Variants in ATCAY observed in about 807,000 individuals in gnomAD.
ATCAY encodes ATCAY kinesin light chain interacting caytaxin, also known as caytaxin.
ATCAY carries 22 observed loss-of-function variants against 47.7 expected under a neutral mutation model. That is an observed-to-expected ratio of 0.46 (90% CI 0.33 to 0.66). The LOEUF is 0.66. Ranked by LOEUF, ATCAY falls within the 30% of genes least tolerant of loss-of-function variation. The pLI is 0.02. For synonymous variants in ATCAY, 216 were observed against 207.6 expected (o/e 1.04, Z -0.35); for missense variants, 452 against 515.0 (o/e 0.88, Z 1.18).
At chr19:3,901,613 C>T (rs1249014410) in intron 2 of ATCAY, among the ~76,000 whole-genome samples, 1 of 152,076 alleles carries the variant, frequency 6.6e-6, no homozygotes, top group Non-Finnish European at 1.5e-5. Flanking sequence ...TCAAGCCGTG[C>T]AAAAATCTCC....
chr19:3,914,824 G>GAA (rs35419791), intron 9 of ATCAY, among the ~76,000 whole-genome samples: 75 of 141,916 alleles, frequency 5.3e-4, no homozygotes, highest in Admixed American at 1.4e-3. Flanking sequence ...TCCGTCTCAA[G>GAA]AAAAAAAAAA....
chr19:3,908,768 T>C (rs1323042601), intron 6 of ATCAY, among the ~76,000 whole-genome samples: 4 of 62,350 alleles, frequency 6.4e-5, no homozygotes, highest in African/African-American at 1.9e-4. Flanking sequence ...CCTCTCCTCC[T>C]CCCCCCTCTT....
At position 3,913,786 on chromosome 19, in the gene ATCAY, G is replaced by A. The variant is rs777720695; in HGVS notation, c.895G>A (p.Val299Met). Reference protein sequence around the residue: ...SVKFINKIQYVHSLEDLEQLI... With the variant: ...SVKFINKIQYMHSLEDLEQLI... ...CAAGTTCATCAACAAGATCCAGTAC[G>A]TGCACAGCTTGGAAGACCTGGAGCA... Residue 299 changes from valine (V) to methionine (M), a missense_variant, in exon 9 of 13, where the codon GTG becomes ATG. Coordinates refer to ENST00000450849, the MANE Select transcript of ATCAY (RefSeq NM_033064.5). 3.7e-6 allele frequency: 6 copies of A among 1,613,772 alleles called. No homozygotes were observed. Among genetic ancestry groups the A allele is most frequent in the Non-Finnish European group, 5.1e-6 (6 of 1,179,852 alleles).
At position 3,927,444 on chromosome 19, in the gene ATCAY, G is replaced by A. The variant is rs2039077264; in HGVS notation, c.*2852G>A. ...AGTCACAGACAGGAGACGGGGACAG[G>A]AAAGAACTCATTCCACCCAATCGGA... On this transcript the variant is annotated 3_prime_UTR_variant, in exon 13 of 13. Transcript: ENST00000450849. 6.6e-6 allele frequency: 1 copy of A among 152,234 alleles called. No homozygotes were observed. The highest frequency in any genetic ancestry group is 1.5e-5 in the Non-Finnish European group (1 of 68,088). 9.4% of individuals were successfully genotyped at this position (152,234 alleles called of 1,614,324 possible).
Position 3,927,080 on chromosome 19 carries a change from G to C in ATCAY, c.*2488G>C, listed in dbSNP as rs1317039093. The stretch of plus-strand genomic sequence containing the variant: ...TACTAAAAATACAAAAATTAGCTGG[G>C]TGTGGTGGCGCGCACCTGTAGTCCC... On this transcript the variant is annotated 3_prime_UTR_variant, in exon 13 of 13. Coordinates refer to ENST00000450849, the MANE Select transcript of ATCAY (RefSeq NM_033064.5). The C allele has an allele frequency of 2.6e-5, 4 of 152,162 alleles. No individual in the cohort carries two copies. Among genetic ancestry groups the C allele is most frequent in the African/African-American group, 9.7e-5 (4 of 41,434 alleles). The allele number at this position is 152,162 out of a possible 1,614,324, so 9.4% of individuals were successfully genotyped here.
At chr19:3,881,945 T>C (rs2038605707) in intron 1 of ATCAY, among the ~76,000 whole-genome samples, 2 of 134,042 alleles carry the variant, frequency 1.5e-5, no homozygotes, top group South Asian at 5.1e-4. Context: ...CCTCCAAGCA[T>C]GAATGACGAC....
rs760174602 is a variant in ATCAY at position 3,890,101 on chromosome 19, G to A, written c.77+4257G>A. 3.3e-5 allele frequency among the ~76,000 whole-genome samples: 5 copies of A among 150,452 alleles called. 1 individual carries two copies. The South Asian group carries it at 6.3e-4, about 19-fold the overall frequency. On this transcript the variant is annotated intron_variant, in intron 2 of 12. Coordinates refer to ENST00000450849, the MANE Select transcript of ATCAY (RefSeq NM_033064.5). ...CTGGATTACAGGCATCTGCCACCAC[G>A]CCCAGCTCATCTTTGTATTTTTAGT... is the stretch of plus-strand genomic sequence containing the variant.
chr19:3,918,695 A>G (rs1424957870), intron 10 of ATCAY, 111 bp from the exon 11 acceptor site: 37 of 1,130,180 alleles, frequency 3.3e-5, no homozygotes, highest in Non-Finnish European at 1.3e-6. Flanking sequence ...ACTGGTTTGG[A>G]AAACAGGTCC....
intron 2 of ATCAY, among the ~76,000 whole-genome samples, chr19:3,901,851 C>T (rs555348436): frequency 3.9e-4 from 60 of 152,014 alleles, no homozygotes; most frequent in African/African-American, 1.4e-3. Flanking sequence ...AAAAATTAGC[C>T]GGGCATGGTA....
chr19:3,919,524 G>T (rs577107180), intron 11 of ATCAY, among the ~76,000 whole-genome samples: 1 of 150,804 alleles, frequency 6.6e-6, no homozygotes, highest in Non-Finnish European at 1.5e-5. Flanking sequence ...CCTGGGAGGC[G>T]GAGGTTGCAG....
chr19:3,882,499 ATT>A (rs34479422), intron 1 of ATCAY, among the ~76,000 whole-genome samples: 2 of 133,808 alleles, frequency 1.5e-5, no homozygotes, highest in African/African-American at 2.9e-5. Flanking sequence ...TAATTTTTGT[ATT>A]TTTTTTTTTT....
At chr19:3,886,359 G>A (rs1442033093) in intron 2 of ATCAY, among the ~76,000 whole-genome samples, 2 of 152,124 alleles carry the variant, frequency 1.3e-5, no homozygotes, top group Non-Finnish European at 2.9e-5. Context: ...TTGGGAGGCC[G>A]AGGCGGGCGG....
chr19:3,882,888 C>T (rs2038614117), intron 1 of ATCAY, among the ~76,000 whole-genome samples: 1 of 151,778 alleles, frequency 6.6e-6, no homozygotes, highest in Admixed American at 6.6e-5. Context: ...TGGGCTCAAT[C>T]CTCCCACCTC....
chr19:3,920,735 A>T, intron 11 of ATCAY, 31 bp from the exon 12 acceptor site: 7 of 1,558,412 alleles, frequency 4.5e-6, no homozygotes, highest in Non-Finnish European at 6.1e-6. Context: ...AAATAAGCAA[A>T]TAACGCCCAG....
rs546380759 is a variant in ATCAY at position 3,883,101 on chromosome 19, G to T, written c.-42+2093G>T. 2.6e-5 allele frequency among the ~76,000 whole-genome samples: 4 copies of T among 152,130 alleles called. No homozygotes were observed. In the East Asian group the frequency reaches 7.7e-4, roughly 29 times the overall value. On this transcript the variant is annotated intron_variant, in intron 1 of 12. Coordinates refer to ENST00000450849, the MANE Select transcript of ATCAY (RefSeq NM_033064.5). ...GACGCTTTAAAAAGTGGATCTAGTGGCCCGGCAGGGTGGCTCACACCTGTA... is the reference window on the plus strand; with the variant it reads ...GACGCTTTAAAAAGTGGATCTAGTGTCCCGGCAGGGTGGCTCACACCTGTA...
chr19:3,907,787 T>C lies in ATCAY; in HGVS notation c.412T>C (p.Phe138Leu). Reference protein sequence around the residue: ...KNMPGDSADLFGDGTTEDGSA... With the variant: ...KNMPGDSADLLGDGTTEDGSA... ...CATGCCCGGGGACAGCGCGGATCTA[T>C]TTGGGGACGGCACGACGGAGGACGG... is the stretch of plus-strand genomic sequence containing the variant. Residue 138 changes from phenylalanine (F) to leucine (L), a missense_variant, in exon 5 of 13, where the codon TTT (phenylalanine) becomes CTT (leucine). Physicochemically the swap from Phe to Leu is conservative, Grantham distance 22. Coordinates refer to ENST00000450849, the MANE Select transcript of ATCAY (RefSeq NM_033064.5). This position sits in a 1 kb window ranked among gnomAD's most constrained non-coding sequence, Gnocchi z 5.1. 1 of 1,613,956 alleles carries C rather than the reference T, an allele frequency of 6.2e-7. No individual in the cohort carries two copies. Among genetic ancestry groups the C allele is most frequent in the South Asian group, 1.1e-5 (1 of 91,074 alleles).
Position 3,885,618 on chromosome 19 carries a change from GGGAGGGGGAGAC to G in ATCAY, c.-41-98_-41-87del, listed in dbSNP as rs1218746832. On this transcript the variant is annotated intron_variant, in intron 1 of 12. Transcript: ENST00000450849. ...GAAAGGAGAGAGGGGGAGGGGAAGG[GGGAGGGGGAGAC>G]GGAGGGGGAGTGGGAGGGGGAAGAG... 245 of 608,706 alleles carry G rather than the reference GGGAGGGGGAGAC, an allele frequency of 4.0e-4. 1 individual carries two copies. In the East Asian group the frequency reaches 6.2e-3, roughly 15 times the overall value. 37.7% of individuals were successfully genotyped at this position (608,706 alleles called of 1,614,324 possible).
Position 3,905,552 on chromosome 19 carries a change from G to A in ATCAY, c.255G>A (p.Leu85=), listed in dbSNP as rs759338501. ...GGTCCCTGCTGTCCGATGACTTCTT[G>A]GATACCCCTGATGACCTGGATATTA... The part of the protein sequence containing the change: ...SEGSLLSDDF[L]DTPDDLDINV... The change falls in exon 4 of 13, where the codon TTG becomes TTA. Residue 85 remains leucine (L), a synonymous_variant. Coordinates refer to ENST00000450849, the MANE Select transcript of ATCAY (RefSeq NM_033064.5). The A allele has an allele frequency of 3.7e-6, 6 of 1,613,862 alleles. No homozygotes were observed. In the South Asian group the frequency reaches 6.6e-5, roughly 18 times the overall value.
At chr19:3,906,309 T>G (rs936025262) in intron 4 of ATCAY, among the ~76,000 whole-genome samples, 25 of 151,008 alleles carry the variant, frequency 1.7e-4, no homozygotes, top group Non-Finnish European at 3.1e-4. Flanking sequence ...CGACTGTTTT[T>G]TTTTTTTTTT....
Sources: gnomAD v4.1 joint callset for allele counts (sites outside exome capture counted in the v4.1 genomes callset) on GRCh38, gnomAD v4.1.1 for gene constraint, Gnocchi (gnomAD v3.1) non-coding constraint, MANE v1.5 for transcripts, NCBI Gene and HGNC (gene_info 2026-07-23, HGNC 2026-07-21) for gene names.